Variants in RFX7 observed in about 807,000 individuals in gnomAD.
RFX7 encodes regulatory factor X7.
In RFX7, 26 loss-of-function variants were observed where a neutral mutation model predicts 111.8. That is an observed-to-expected ratio of 0.23 (90% CI 0.17 to 0.32). RFX7 has a LOEUF of 0.32. RFX7 is among the 10% of genes least tolerant of loss of function. The pLI is 1.00. For missense variants in RFX7, 1,573 were observed against 1,772.9 expected, an observed-to-expected ratio of 0.89 and a Z score of 2.02; for synonymous variants, 624 against 624.4, an observed-to-expected ratio of 1.00 and a Z score of 0.01.
intron 3 of RFX7, among the ~76,000 whole-genome samples, chr15:56,165,094 A>G (rs2042767849): frequency 6.6e-6 from 1 of 152,152 alleles, no homozygotes; most frequent in African/African-American, 2.4e-5. Flanking sequence ...GATCCCTCAC[A>G]TGCTCAGGTC....
In RFX7 at chr15:56,089,217, T is replaced by A. The variant is rs1267197553; in HGVS notation, c.*4128A>T. ...GTGTATGGAGTGCTTAATGGAAGATTCTGAGATTTTTTTTTCTCTCTGATA... is the reference window on the plus strand; with the variant it reads ...GTGTATGGAGTGCTTAATGGAAGATACTGAGATTTTTTTTTCTCTCTGATA... On this transcript the variant is annotated 3_prime_UTR_variant, in exon 10 of 10. Coordinates refer to ENST00000559447, the MANE Select transcript of RFX7 (RefSeq NM_022841.7). 6.6e-6 allele frequency: 1 copy of A among 152,452 alleles called. No homozygotes were observed. The highest frequency in any genetic ancestry group is 2.4e-5 in the African/African-American group (1 of 41,432). The allele number at this position is 152,452 out of a possible 1,614,324, so 9.4% of individuals were successfully genotyped here.
intron 5 of RFX7, among the ~76,000 whole-genome samples, chr15:56,110,307 G>A (rs1472979121): frequency 3.2e-5 from 2 of 61,770 alleles, no homozygotes; most frequent in African/African-American, 1.0e-4. Context: ...CGCCCCGTCC[G>A]GGAGGGAGGT....
In RFX7 at chr15:56,103,492, T is replaced by C. The variant is rs1433379718; in HGVS notation, c.518+62A>G. The C allele has an allele frequency of 2.5e-5, 26 of 1,056,464 alleles. 1 individual carries two copies. Among genetic ancestry groups the C allele is most frequent in the Admixed American group, 1.3e-4 (5 of 37,872 alleles). The allele number at this position is 1,056,464 out of a possible 1,614,324, so 65.4% of individuals were successfully genotyped here. ...AAAGTTGCCAGTTGAACTACAACAA[T>C]AGATGTTCTATAACAAGTGAGAACA... On this transcript the variant is annotated intron_variant, in intron 6 of 9. Coordinates refer to ENST00000559447, the MANE Select transcript of RFX7 (RefSeq NM_022841.7).
At chr15:56,243,068 C>G in intron 2 of RFX7, 57 bp downstream of exon 2, 3 of 1,245,094 alleles carry the variant, frequency 2.4e-6, no homozygotes, top group Non-Finnish European at 3.2e-6. Context: ...CCCCCACCCA[C>G]TTTGCAGCAG....
At chr15:56,236,350 G>A (rs1376749789) in intron 2 of RFX7, among the ~76,000 whole-genome samples, 2 of 152,070 alleles carry the variant, frequency 1.3e-5, no homozygotes, top group Non-Finnish European at 2.9e-5. Flanking sequence ...AGTGTTTATT[G>A]TTCCTTATTT....
At chr15:56,123,327 C>T (rs926741521) in intron 5 of RFX7, among the ~76,000 whole-genome samples, 2 of 152,128 alleles carry the variant, frequency 1.3e-5, no homozygotes, top group African/African-American at 4.8e-5. Context: ...TAGTGGGTTC[C>T]CTTCTGGCCC....
At chr15:56,109,060 C>T (rs1468776249) in intron 5 of RFX7, among the ~76,000 whole-genome samples, 1 of 152,152 alleles carries the variant, frequency 6.6e-6, no homozygotes, top group Non-Finnish European at 1.5e-5. Flanking sequence ...TCTGCCTCTC[C>T]CTCTCCCTCT....
chr15:56,098,899 A>G (rs576380882), intron 8 of RFX7, among the ~76,000 whole-genome samples: 2 of 152,334 alleles, frequency 1.3e-5, no homozygotes, highest in African/African-American at 4.8e-5. Flanking sequence ...CCTACCAGCA[A>G]TTCATGGAAA....
At chr15:56,198,221 C>T (rs930365610) in intron 2 of RFX7, among the ~76,000 whole-genome samples, 2 of 152,022 alleles carry the variant, frequency 1.3e-5, no homozygotes, top group Non-Finnish European at 2.9e-5. Flanking sequence ...GGGTAATAGC[C>T]TCTTCCCAAC....
At chr15:56,238,144 T>G (rs1257271630) in intron 2 of RFX7, among the ~76,000 whole-genome samples, 1 of 152,202 alleles carries the variant, frequency 6.6e-6, no homozygotes, top group African/African-American at 2.4e-5. Flanking sequence ...ACTACCTGAT[T>G]CAAAAACCAA....
intron 2 of RFX7, among the ~76,000 whole-genome samples, chr15:56,188,877 G>C (rs569900524): frequency 6.6e-6 from 1 of 152,246 alleles, no homozygotes; most frequent in South Asian, 2.1e-4. Flanking sequence ...TTGTCACCCA[G>C]GCTGGAATGC....
rs1337243840 is a variant in RFX7, at chr15:56,098,538, A to G, written c.812-162T>C. Reference sequence around the variant, plus strand: ...ATGAAGCATTAGACTTCGAATTTATAAACAATTGTCAATATAGTTTTGTCA... The same window carrying G: ...ATGAAGCATTAGACTTCGAATTTATGAACAATTGTCAATATAGTTTTGTCA... On this transcript the variant is annotated intron_variant, in intron 8 of 9. Coordinates refer to ENST00000559447, the MANE Select transcript of RFX7 (RefSeq NM_022841.7). 2.6e-5 allele frequency among the ~76,000 whole-genome samples: 4 copies of G among 152,264 alleles called. No homozygotes were observed. The East Asian group carries it at 7.7e-4, about 29-fold the overall frequency.
chr15:56,110,009 G>C (rs1469545107), intron 5 of RFX7, among the ~76,000 whole-genome samples: 1 of 136,744 alleles, frequency 7.3e-6, no homozygotes, highest in South Asian at 2.5e-4. Flanking sequence ...TCCGGGAGGC[G>C]AGGGGCGCCT....
At chr15:56,232,387 G>T (rs553570805) in intron 2 of RFX7, among the ~76,000 whole-genome samples, 2 of 152,324 alleles carry the variant, frequency 1.3e-5, no homozygotes, top group Admixed American at 6.5e-5. Flanking sequence ...TCTCTAGGTT[G>T]CAAAGAGCAG....
chr15:56,094,860 AGGAGTG>A lies in RFX7; in HGVS notation c.2862_2867del (p.Pro964_Thr965del), dbSNP rs2041649693. 1.9e-6 allele frequency: 3 copies of A among 1,553,376 alleles called. No individual in the cohort carries two copies. Among genetic ancestry groups the A allele is most frequent in the Non-Finnish European group, 2.6e-6 (3 of 1,148,648 alleles). ...TCGGGGTTGGGGTTGGGGTTGGAGT[AGGAGTG>A]GGTGTGGGTGTGGGTGTGGGTGTGT... On this transcript the variant is annotated inframe_deletion, in exon 10 of 10. Transcript: ENST00000559447.
intron 2 of RFX7, among the ~76,000 whole-genome samples, chr15:56,194,802 G>T (rs767249252): frequency 1.3e-5 from 2 of 152,086 alleles, no homozygotes; most frequent in Non-Finnish European, 2.9e-5. Flanking sequence ...TGGAATCCTT[G>T]CACATTGCTT....
chr15:56,163,548 A>G (rs922564440), intron 3 of RFX7, among the ~76,000 whole-genome samples: 1 of 152,192 alleles, frequency 6.6e-6, no homozygotes, highest in Non-Finnish European at 1.5e-5. Context: ...AAGACATACA[A>G]TAAAATTTAA....
chr15:56,238,490 AT>A (rs1239366994), intron 2 of RFX7, among the ~76,000 whole-genome samples: 3 of 152,116 alleles, frequency 2.0e-5, no homozygotes, highest in African/African-American at 7.2e-5. Flanking sequence ...TGACCCCAGC[AT>A]TTTTTCCAGG....
intron 2 of RFX7, among the ~76,000 whole-genome samples, chr15:56,227,873 C>G (rs149317499): frequency 1.3e-5 from 2 of 152,184 alleles, no homozygotes; most frequent in Non-Finnish European, 2.9e-5. Flanking sequence ...GACCTCTTCA[C>G]ATTTTGTGCA....
Sources: gnomAD v4.1 joint callset for allele counts (sites outside exome capture counted in the v4.1 genomes callset) on GRCh38, gnomAD v4.1.1 for gene constraint, MANE v1.5 for transcripts, NCBI Gene and HGNC (gene_info 2026-07-23, HGNC 2026-07-21) for gene names.